Variants in EYS observed in about 807,000 individuals in gnomAD.
The protein encoded by EYS is EGF-like photoreceptor maintenance factor.
A neutral mutation model predicts 282.1 loss-of-function variants in EYS; 250 were observed. The observed-to-expected ratio is 0.89, with a 90% CI of 0.80 to 0.98. The LOEUF (loss-of-function observed/expected upper bound fraction) is 0.98. Among genes scored for constraint, EYS ranks in the 50% least tolerant of loss-of-function variants. The pLI is 0.00. For missense variants in EYS, 4,016 were observed against 3,709.0 expected, an observed-to-expected ratio of 1.08 and a Z score of -2.15; for synonymous variants, 1,355 against 1,282.9, an observed-to-expected ratio of 1.06 and a Z score of -1.20.
intron 31 of EYS, among the ~76,000 whole-genome samples, chr6:64,144,631 G>A (rs1774449800): frequency 6.6e-6 from 1 of 152,174 alleles, no homozygotes; most frequent in African/African-American, 2.4e-5. Context: ...AAGCATGAAA[G>A]TGAACACTTG....
intron 12 of EYS, among the ~76,000 whole-genome samples, chr6:65,200,705 T>A (rs944489125): frequency 8.1e-5 from 12 of 148,138 alleles, no homozygotes; most frequent in African/African-American, 3.2e-4. Context: ...TTGTCATCCC[T>A]CTGTTCTTTA....
intron 30 of EYS, among the ~76,000 whole-genome samples, chr6:64,240,675 T>C (rs888308905): frequency 3.9e-5 from 6 of 152,206 alleles, no homozygotes; most frequent in East Asian, 1.9e-4. Context: ...GTTTTCTAAA[T>C]ATACAATCAC....
At chr6:64,060,056 G>A (rs1771112857) in intron 33 of EYS, among the ~76,000 whole-genome samples, 1 of 152,076 alleles carries the variant, frequency 6.6e-6, no homozygotes, top group Admixed American at 6.6e-5. Flanking sequence ...AACATTTTAT[G>A]AATAAATCTA....
chr6:64,301,370 C>G (rs1316831798), intron 30 of EYS, among the ~76,000 whole-genome samples: 1 of 152,150 alleles, frequency 6.6e-6, no homozygotes, highest in Admixed American at 6.5e-5. Context: ...ACAGAACAGA[C>G]CATTTCTCAC....
chr6:64,424,842 T>C (rs113474448), intron 28 of EYS, among the ~76,000 whole-genome samples: 1,574 of 152,098 alleles, frequency 0.01, 28 homozygotes, highest in African/African-American at 0.036. Context: ...GTAAAACAAG[T>C]AAATATAAAA....
intron 26 of EYS, among the ~76,000 whole-genome samples, chr6:64,578,953 T>A (rs971536201): frequency 6.6e-6 from 1 of 152,122 alleles, no homozygotes; most frequent in Non-Finnish European, 1.5e-5. Flanking sequence ...CTGCACCACA[T>A]GCTTCAAGTA....
chr6:64,633,199 T>C (rs1161646079), intron 22 of EYS, among the ~76,000 whole-genome samples: 1 of 152,166 alleles, frequency 6.6e-6, no homozygotes, highest in Non-Finnish European at 1.5e-5. Context: ...GAAACCACTT[T>C]AAAAACTAGA....
At chr6:64,002,186 C>A (rs747482618) in intron 33 of EYS, among the ~76,000 whole-genome samples, 3 of 152,158 alleles carry the variant, frequency 2.0e-5, no homozygotes, top group Non-Finnish European at 2.9e-5. Flanking sequence ...TGGGGGCTGT[C>A]AGAGAAGAGT....
intron 12 of EYS, among the ~76,000 whole-genome samples, chr6:65,272,958 T>C (rs900401780): frequency 1.3e-5 from 2 of 152,212 alleles, no homozygotes; most frequent in African/African-American, 4.8e-5. Flanking sequence ...ACAGTGCTCT[T>C]GCATTTTGGG....
intron 18 of EYS, among the ~76,000 whole-genome samples, chr6:64,899,032 A>G (rs781665947): frequency 6.6e-6 from 1 of 152,098 alleles, no homozygotes; most frequent in Non-Finnish European, 1.5e-5. Context: ...CCCACTGTCA[A>G]TATTAGACAG....
chr6:64,484,715 T>C (rs1239277839), intron 26 of EYS, among the ~76,000 whole-genome samples: 1 of 151,666 alleles, frequency 6.6e-6, no homozygotes, highest in African/African-American at 2.4e-5. Context: ...GGCAGTGTTA[T>C]ATTAAGTACC....
chr6:64,218,162 C>T (rs1335526591), intron 31 of EYS, among the ~76,000 whole-genome samples: 3 of 152,142 alleles, frequency 2.0e-5, no homozygotes, highest in Non-Finnish European at 2.9e-5. Flanking sequence ...GACCCCAGTT[C>T]CCCTGCCCCT....
chr6:63,882,170 C>T (rs1430572379), intron 35 of EYS, among the ~76,000 whole-genome samples: 1 of 152,166 alleles, frequency 6.6e-6, no homozygotes, highest in Non-Finnish European at 1.5e-5. Context: ...TCATTTATTA[C>T]CAAAAGTATT....
intron 26 of EYS, among the ~76,000 whole-genome samples, chr6:64,548,010 C>T (rs886705343): frequency 3.9e-5 from 6 of 152,330 alleles, no homozygotes; most frequent in East Asian, 1.9e-4. Context: ...ACCCAGAACT[C>T]GTGCTGCAGC....
At chr6:65,676,097 A>G (rs1768577020) in intron 1 of EYS, among the ~76,000 whole-genome samples, 1 of 151,874 alleles carries the variant, frequency 6.6e-6, no homozygotes, top group South Asian at 2.1e-4. Context: ...CTAGGAAAGA[A>G]CTTCATCGTG....
In EYS at chr6:64,303,766, G is replaced by A. The variant is rs376601580; in HGVS notation, c.6191+3204C>T. On this transcript the variant is annotated intron_variant, in intron 30 of 42. Transcript: ENST00000503581. ...TGAGGCAGGAGAATGGCGTGAACCCGGGAGGCGGAGCTTGCAGTGAGTCGA... is the reference window on the plus strand; with the variant it reads ...TGAGGCAGGAGAATGGCGTGAACCCAGGAGGCGGAGCTTGCAGTGAGTCGA... Among the ~76,000 whole-genome samples the A allele has an allele frequency of 6.1e-5, 9 of 148,214 alleles. No homozygotes were observed. In the East Asian group the frequency reaches 1.0e-3, roughly 17 times the overall value.
intron 28 of EYS, among the ~76,000 whole-genome samples, chr6:64,429,080 GA>G (rs540207557): frequency 1.3e-5 from 2 of 151,968 alleles, no homozygotes; most frequent in Middle Eastern, 3.4e-3. Flanking sequence ...TTTTTCTAGA[GA>G]AAAAAACCCC....
chr6:65,508,215 T>G (rs915087353), intron 2 of EYS, among the ~76,000 whole-genome samples: 1 of 152,206 alleles, frequency 6.6e-6, no homozygotes, highest in Non-Finnish European at 1.5e-5. Context: ...AGAATGTCTA[T>G]GATTTGCAGC....
Position 65,491,437 on chromosome 6 carries a change from G to T in EYS, c.749-730C>A, listed in dbSNP as rs576170825. 38 of 310,870 alleles carry T rather than the reference G, an allele frequency of 1.2e-4. 1 individual carries two copies. The highest frequency in any genetic ancestry group is 8.3e-4 in the African/African-American group (38 of 45,776). 19.3% of individuals were successfully genotyped at this position (310,870 alleles called of 1,614,324 possible). On this transcript the variant is annotated intron_variant, in intron 4 of 42. Coordinates refer to ENST00000503581, the MANE Select transcript of EYS (RefSeq NM_001142800.2). ...GTTACAAACCAACTGCATGTAATTTGGCAATATGTTTTTTTCCCCAGTTTA... is the reference window on the plus strand; with the variant it reads ...GTTACAAACCAACTGCATGTAATTTTGCAATATGTTTTTTTCCCCAGTTTA...
Sources: allele counts gnomAD v4.1 joint callset (sites outside exome capture counted in the v4.1 genomes callset), GRCh38; gene constraint gnomAD v4.1.1; transcripts MANE v1.5; gene names NCBI Gene and HGNC (gene_info 2026-07-23, HGNC 2026-07-21).